Variants in RAPGEF4 observed in about 807,000 individuals in gnomAD.
The protein encoded by RAPGEF4 is Rap guanine nucleotide exchange factor 4, also known as RAP guanine-nucleotide-exchange factor (GEF) 4.
In RAPGEF4, 66 loss-of-function variants were observed where a neutral mutation model predicts 147.9. The observed-to-expected ratio is 0.45, with a 90% CI of 0.37 to 0.55. The LOEUF (loss-of-function observed/expected upper bound fraction) is 0.55. RAPGEF4 is among the 20% of genes least tolerant of loss of function. RAPGEF4 has a pLI of 0.00. For missense variants in RAPGEF4, 1,071 were observed against 1,257.3 expected (o/e 0.85, Z 2.24); for synonymous variants, 419 against 442.7 (o/e 0.95, Z 0.67).
At chr2:172,882,504 GA>G (rs1696739112) in intron 4 of RAPGEF4, among the ~76,000 whole-genome samples, 1 of 152,160 alleles carries the variant, frequency 6.6e-6, no homozygotes, top group African/African-American at 2.4e-5. Flanking sequence ...AAACCACAAA[GA>G]AGTTCAAAAT....
chr2:172,878,289 C>T (rs1436932337), intron 4 of RAPGEF4, among the ~76,000 whole-genome samples: 1 of 152,080 alleles, frequency 6.6e-6, no homozygotes, highest in Non-Finnish European at 1.5e-5. Flanking sequence ...CTATCTTTTT[C>T]CCACTCACCC....
intron 4 of RAPGEF4, among the ~76,000 whole-genome samples, chr2:172,914,858 C>T (rs1289005392): frequency 5.9e-5 from 9 of 152,026 alleles, no homozygotes; most frequent in African/African-American, 2.2e-4. Context: ...TTTTATGTGC[C>T]TTTCTGTTAT....
chr2:173,002,823 A>G (rs1267210758), intron 17 of RAPGEF4, among the ~76,000 whole-genome samples: 2 of 152,034 alleles, frequency 1.3e-5, no homozygotes, highest in Non-Finnish European at 2.9e-5. Context: ...TTGCCTGGAA[A>G]CTGTTTTACC....
chr2:172,918,533 G>C (rs946887055), intron 5 of RAPGEF4, among the ~76,000 whole-genome samples: 3 of 151,842 alleles, frequency 2.0e-5, no homozygotes, highest in African/African-American at 7.3e-5. Flanking sequence ...AAAACATCCA[G>C]GCCTTTTATG....
chr2:172,754,697 G>A (rs2149450082), intron 1 of RAPGEF4, among the ~76,000 whole-genome samples: 1 of 151,930 alleles, frequency 6.6e-6, no homozygotes, highest in African/African-American at 2.4e-5. Flanking sequence ...ATAGGGCAAG[G>A]AAAAAAGGGC....
intron 1 of RAPGEF4, among the ~76,000 whole-genome samples, chr2:172,784,415 G>A (rs931033343): frequency 7.2e-5 from 11 of 151,990 alleles, no homozygotes; most frequent in Non-Finnish European, 1.0e-4. Flanking sequence ...CTACTCAGGA[G>A]GCTGAGGCAG....
At chr2:172,898,407 G>A (rs978446606) in intron 4 of RAPGEF4, among the ~76,000 whole-genome samples, 1 of 152,138 alleles carries the variant, frequency 6.6e-6, no homozygotes, top group Non-Finnish European at 1.5e-5. Context: ...CAGTTGAGTA[G>A]CTCAGGTGCT....
At chr2:172,985,845 T>C (rs1008312996) in intron 12 of RAPGEF4, among the ~76,000 whole-genome samples, 5 of 152,222 alleles carry the variant, frequency 3.3e-5, no homozygotes, top group African/African-American at 1.2e-4. Flanking sequence ...CCTCATTTCG[T>C]TCATAGCTTT....
chr2:172,922,248 A>G (rs1684844116), intron 5 of RAPGEF4, 33 bp from the exon 6 acceptor site: 2 of 1,600,586 alleles, frequency 1.2e-6, no homozygotes, highest in Admixed American at 3.3e-5. Context: ...TATACAATTC[A>G]TGGCCTCTCT....
chr2:172,874,094 TTGG>T (rs1424343149), intron 4 of RAPGEF4, among the ~76,000 whole-genome samples: 1 of 152,164 alleles, frequency 6.6e-6, no homozygotes, highest in African/African-American at 2.4e-5. Flanking sequence ...TTTTACACTG[TTGG>T]TGGGAGTATA....
intron 22 of RAPGEF4, among the ~76,000 whole-genome samples, 185 bp downstream of exon 22, chr2:173,018,987 C>G (rs1311107692): frequency 2.6e-5 from 4 of 152,222 alleles, no homozygotes; most frequent in Admixed American, 2.6e-4. Flanking sequence ...TGTCCCCTAT[C>G]TGGTAGGTAC....
chr2:172,848,263 G>A (rs1692421830), intron 4 of RAPGEF4, among the ~76,000 whole-genome samples: 1 of 152,036 alleles, frequency 6.6e-6, no homozygotes, highest in African/African-American at 2.4e-5. Flanking sequence ...TTCTAATCTT[G>A]TGAATCAAAA....
intron 4 of RAPGEF4, among the ~76,000 whole-genome samples, chr2:172,852,757 ATTT>A (rs1692996277): frequency 6.6e-6 from 1 of 152,156 alleles, no homozygotes; most frequent in Admixed American, 6.5e-5. Flanking sequence ...ATTAAATATT[ATTT>A]TTAACTGTAT....
chr2:173,028,423 C>T (rs1194894620), intron 25 of RAPGEF4, among the ~76,000 whole-genome samples: 1 of 152,176 alleles, frequency 6.6e-6, no homozygotes, highest in African/African-American at 2.4e-5. Flanking sequence ...CTTAGCCTGG[C>T]AGTGCCCAAT....
intron 6 of RAPGEF4, among the ~76,000 whole-genome samples, chr2:172,950,241 G>A (rs1177974079): frequency 6.6e-6 from 1 of 152,102 alleles, no homozygotes; most frequent in Admixed American, 6.6e-5. Flanking sequence ...GATGAGGGCG[G>A]TAGGGGAGGG....
intron 29 of RAPGEF4, among the ~76,000 whole-genome samples, chr2:173,038,754 A>G (rs1377988580): frequency 6.6e-6 from 1 of 152,228 alleles, no homozygotes; most frequent in Non-Finnish European, 1.5e-5. Context: ...AATAAAATAA[A>G]ATAAAATAAA....
At chr2:172,964,281 C>T (rs1689603595) in intron 8 of RAPGEF4, among the ~76,000 whole-genome samples, 1 of 151,940 alleles carries the variant, frequency 6.6e-6, no homozygotes, top group Admixed American at 6.6e-5. Flanking sequence ...GTGAAATATT[C>T]TGAAGTCAGG....
chr2:173,015,926 A>G (rs554464261), intron 18 of RAPGEF4, among the ~76,000 whole-genome samples: 1 of 152,340 alleles, frequency 6.6e-6, no homozygotes, highest in Non-Finnish European at 1.5e-5. Flanking sequence ...AATGAACTAA[A>G]AAAAGCACTC....
At chr2:172,909,434 A>G (rs1290261169) in intron 4 of RAPGEF4, among the ~76,000 whole-genome samples, 3 of 152,242 alleles carry the variant, frequency 2.0e-5, no homozygotes, top group Non-Finnish European at 4.4e-5. Flanking sequence ...TCCCAAGTGC[A>G]TATAGCAATT....
Sources: gnomAD v4.1 joint callset for allele counts (sites outside exome capture counted in the v4.1 genomes callset) on GRCh38, gnomAD v4.1.1 for gene constraint, MANE v1.5 for transcripts, NCBI Gene and HGNC (gene_info 2026-07-23, HGNC 2026-07-21) for gene names.